Variants in PCDH17 observed in about 807,000 individuals in gnomAD.
PCDH17 encodes protocadherin-17.
A neutral mutation model predicts 67.7 loss-of-function variants in PCDH17; 21 were observed. The observed-to-expected ratio is 0.31, with a 90% confidence interval of 0.22 to 0.45. PCDH17 has a LOEUF of 0.45. Among genes scored for constraint, PCDH17 ranks in the 20% least tolerant of loss-of-function variants. The probability of loss-of-function intolerance (pLI) is 1.00; values close to 1 mark genes in which losing one functional copy is unlikely to be tolerated. For missense variants in PCDH17, 1,471 were observed against 1,564.8 expected, an observed-to-expected ratio of 0.94 and a Z score of 1.01; for synonymous variants, 701 against 656.7, an observed-to-expected ratio of 1.07 and a Z score of -1.03.
chr13:57,688,675 G>A (rs1955529305), intron 3 of PCDH17, among the ~76,000 whole-genome samples: 1 of 152,026 alleles, frequency 6.6e-6, no homozygotes, highest in Non-Finnish European at 1.5e-5. Context: ...CAGAAGATTT[G>A]AAAGATTCCA....
chr13:57,679,533 CACCCT>C (rs1955428432), intron 3 of PCDH17, among the ~76,000 whole-genome samples: 1 of 151,422 alleles, frequency 6.6e-6, no homozygotes, highest in Non-Finnish European at 1.5e-5. Flanking sequence ...ATAACAAATA[CACCCT>C]TACCTCTGAC....
intron 1 of PCDH17, among the ~76,000 whole-genome samples, chr13:57,637,559 C>G (rs1429194317): frequency 6.6e-6 from 1 of 151,594 alleles, no homozygotes; most frequent in Non-Finnish European, 1.5e-5. Context: ...ATATGTAATA[C>G]AGCATCCTAA....
In PCDH17 at chr13:57,724,605, T is replaced by G; in HGVS notation, c.2798-7T>G. ...TTGGATTTGCTGTTTTCTCTTTTGTTTTGCAGAACCAGAAGAGTGTGTTAA... is the reference window on the plus strand; with the variant it reads ...TTGGATTTGCTGTTTTCTCTTTTGTGTTGCAGAACCAGAAGAGTGTGTTAA... On this transcript the variant is annotated splice_region_variant and splice_polypyrimidine_tract_variant and intron_variant, in intron 3 of 3. Coordinates refer to ENST00000377918, the MANE Select transcript of PCDH17 (RefSeq NM_001040429.3). The G allele has an allele frequency of 6.3e-7, 1 of 1,598,724 alleles. No individual in the cohort carries two copies. Among genetic ancestry groups the G allele is most frequent in the Non-Finnish European group, 8.5e-7 (1 of 1,169,998 alleles).
Position 57,652,272 on chromosome 13 carries a change from G to A in PCDH17, c.2566-14196G>A, listed in dbSNP as rs1248865751. On this transcript the variant is annotated intron_variant, in intron 1 of 3. Transcript: ENST00000377918. ...CGCAGTCCGGCCTGGGCGACAGAGC[G>A]AGACTCCGTCTCAAAAAAAAAAAAA... is the stretch of plus-strand genomic sequence containing the variant. 2.5e-5 allele frequency among the ~76,000 whole-genome samples: 3 copies of A among 120,058 alleles called. No homozygotes were observed. The East Asian group carries it at 6.9e-4, about 27-fold the overall frequency. The allele number at this position is 120,058 out of a possible 152,430, so 78.8% of individuals were successfully genotyped here. A position where few individuals can be genotyped will look rare whatever the true frequency, so the allele number is the denominator to read the frequency against.
At chr13:57,688,278 C>A (rs1955525927) in intron 3 of PCDH17, among the ~76,000 whole-genome samples, 1 of 151,722 alleles carries the variant, frequency 6.6e-6, no homozygotes. Context: ...GCACTCCAAC[C>A]CTCCAGCCTG....
chr13:57,710,693 T>G (rs1228509936), intron 3 of PCDH17, among the ~76,000 whole-genome samples: 1 of 151,948 alleles, frequency 6.6e-6, no homozygotes, highest in East Asian at 1.9e-4. Flanking sequence ...AATCACTACT[T>G]AAGAAAAACT....
chr13:57,672,737 T>C (rs1955337352), intron 3 of PCDH17, among the ~76,000 whole-genome samples: 1 of 151,950 alleles, frequency 6.6e-6, no homozygotes, highest in Admixed American at 6.6e-5. Flanking sequence ...TTCTAGTCTG[T>C]GGAATGGTTA....
chr13:57,666,399 A>G (rs113068381), intron 1 of PCDH17, 69 bp from the exon 2 acceptor site: 7 of 1,166,334 alleles, frequency 6.0e-6, no homozygotes, highest in African/African-American at 4.6e-5. Flanking sequence ...TCCACTAGGA[A>G]ATCTTGTTGC....
At chr13:57,630,708 C>T (rs1462890704), upstream of PCDH17, among the ~76,000 whole-genome samples, 1 of 152,182 alleles carries the variant, frequency 6.6e-6, no homozygotes, top group East Asian at 1.9e-4. Flanking sequence ...TTTTCTCTTG[C>T]ATTTTCTTTT....
chr13:57,672,264 G>C (rs991134341), intron 3 of PCDH17, among the ~76,000 whole-genome samples: 2 of 151,804 alleles, frequency 1.3e-5, no homozygotes, highest in South Asian at 4.1e-4. Flanking sequence ...ATAAATATTT[G>C]TTTGTTTCTT....
At chr13:57,636,062 A>G (rs1954819658) in intron 1 of PCDH17, among the ~76,000 whole-genome samples, 1 of 152,210 alleles carries the variant, frequency 6.6e-6, no homozygotes, top group Non-Finnish European at 1.5e-5. Context: ...GTATGCTTCA[A>G]AGTTATTGAT....
Position 57,634,649 on chromosome 13 carries a change from C to G in PCDH17, c.2103C>G (p.His701Gln), listed in dbSNP as rs1954794071. 6.2e-7 allele frequency: 1 copy of G among 1,613,550 alleles called. No individual in the cohort carries two copies. The highest frequency in any genetic ancestry group is 1.3e-5 in the African/African-American group (1 of 75,016). Reference protein sequence around the residue: ...GVPRVNGEQHHWDMSLPLIVT... With the variant: ...GVPRVNGEQHQWDMSLPLIVT... Reference sequence around the variant, plus strand: ...CACGGGTGAATGGCGAGCAGCACCACTGGGACATGTCGCTGCCGCTCATCG... The same window carrying G: ...CACGGGTGAATGGCGAGCAGCACCAGTGGGACATGTCGCTGCCGCTCATCG... Residue 701 changes from histidine (H) to glutamine (Q), a missense_variant, in exon 1 of 4, where the codon CAC becomes CAG. Around this residue, in one of 3 missense-constraint regions of PCDH17, gnomAD observed 1,163 missense variants for 1,230.0 expected, o/e 0.95. Transcript: ENST00000377918. The surrounding 1 kb of genome is among the most constrained non-coding windows in gnomAD (Gnocchi z 7.8).
chr13:57,676,013 C>T (rs1011766572), intron 3 of PCDH17, among the ~76,000 whole-genome samples: 1 of 151,766 alleles, frequency 6.6e-6, no homozygotes, highest in Non-Finnish European at 1.5e-5. Flanking sequence ...TAGTATTTTA[C>T]TTGAAATTAG....
intron 1 of PCDH17, among the ~76,000 whole-genome samples, chr13:57,658,855 C>A (rs978202310): frequency 1.3e-5 from 2 of 152,012 alleles, no homozygotes; most frequent in Non-Finnish European, 2.9e-5. Context: ...TCTCTGCTCA[C>A]CTCAACCTCC....
At chr13:57,636,338 T>C (rs1954822588) in intron 1 of PCDH17, among the ~76,000 whole-genome samples, 1 of 152,232 alleles carries the variant, frequency 6.6e-6, no homozygotes, top group Admixed American at 6.5e-5. Flanking sequence ...TTGTTCATAA[T>C]GTTATGCTTT....
intron 3 of PCDH17, among the ~76,000 whole-genome samples, chr13:57,688,015 G>A (rs1593928010): frequency 6.6e-6 from 1 of 152,022 alleles, no homozygotes; most frequent in South Asian, 2.1e-4. Flanking sequence ...ATAGGGCAAT[G>A]AACTACTAAC....
At chr13:57,691,917 A>G (rs572530481) in intron 3 of PCDH17, among the ~76,000 whole-genome samples, 14 of 151,300 alleles carry the variant, frequency 9.3e-5, no homozygotes, top group African/African-American at 3.4e-4. Context: ...CTATATTTGA[A>G]TGCATATCAG....
chr13:57,725,563 GA>G lies in PCDH17; in HGVS notation c.*270del. On this transcript the variant is annotated 3_prime_UTR_variant, in exon 4 of 4. Transcript: ENST00000377918. The stretch of plus-strand genomic sequence containing the variant: ...AAAGAAAAAAAGAGAGAAGAAAAAG[GA>G]GAGATGAAAAAGGAGGATGAGGAGA... The G allele has an allele frequency of 2.7e-6, 1 of 369,450 alleles. No homozygotes were observed. Among genetic ancestry groups the G allele is most frequent in the East Asian group, 4.7e-5 (1 of 21,108 alleles). 22.9% of individuals were successfully genotyped at this position (369,450 alleles called of 1,614,324 possible). A position where few individuals can be genotyped will look rare whatever the true frequency, so the allele number is the denominator to read the frequency against.
At chr13:57,704,612 G>A (rs1399153310) in intron 3 of PCDH17, among the ~76,000 whole-genome samples, 1 of 150,560 alleles carries the variant, frequency 6.6e-6, no homozygotes, top group Non-Finnish European at 1.5e-5. Context: ...CCTAAGATGT[G>A]GGCACAGTAA....
Sources: allele counts gnomAD v4.1 joint callset (sites outside exome capture counted in the v4.1 genomes callset), GRCh38; gene constraint gnomAD v4.1.1; regional missense constraint gnomAD v4.1.1; non-coding constraint Gnocchi (gnomAD v3.1); transcripts MANE v1.5; gene names NCBI Gene and HGNC (gene_info 2026-07-23, HGNC 2026-07-21).